Variants in SCFD2 observed in about 807,000 individuals in gnomAD.
SCFD2 encodes the protein sec1 family domain-containing protein 2.
In SCFD2, 54 loss-of-function variants were observed where a neutral mutation model predicts 58.9. That is an observed-to-expected ratio of 0.92 (90% confidence interval 0.74 to 1.15). The LOEUF (loss-of-function observed/expected upper bound fraction) is 1.15. Among genes scored for constraint, SCFD2 ranks in the 50% most tolerant of loss-of-function variants. The pLI is 0.00. For missense variants in SCFD2, 805 were observed against 836.6 expected (o/e 0.96, Z 0.47); for synonymous variants, 321 against 335.9 (o/e 0.96, Z 0.49).
At chr4:53,299,453 C>T (rs1486903558) in intron 3 of SCFD2, among the ~76,000 whole-genome samples, 3 of 152,074 alleles carry the variant, frequency 2.0e-5, no homozygotes, top group Non-Finnish European at 4.4e-5. Flanking sequence ...TGTGAAAAGA[C>T]CAAATCTATA....
rs563043455 is a variant in SCFD2, at chr4:53,179,024, T to G, written c.1312-33442A>C. ...GTGAAAAGAGCAAATCTACATCTGA[T>G]TGGTGTACCTGAAAGTGATGGGGAG... is the stretch of plus-strand genomic sequence containing the variant. On this transcript the variant is annotated intron_variant, in intron 4 of 8. Transcript: ENST00000401642. Among the ~76,000 whole-genome samples the G allele has an allele frequency of 5.9e-5, 9 of 152,314 alleles. No homozygotes were observed. The South Asian group carries it at 1.9e-3, about 32-fold the overall frequency.
At chr4:52,940,762 C>T (rs1720272375) in intron 5 of SCFD2, among the ~76,000 whole-genome samples, 1 of 152,104 alleles carries the variant, frequency 6.6e-6, no homozygotes. Flanking sequence ...GGACTAAGCA[C>T]TTATAGGAGA....
At chr4:52,892,761 G>A (rs888633166) in intron 7 of SCFD2, among the ~76,000 whole-genome samples, 6 of 152,092 alleles carry the variant, frequency 3.9e-5, no homozygotes, top group African/African-American at 1.4e-4. Flanking sequence ...CAAACTGTAA[G>A]CTACATGATA....
At chr4:52,883,520 G>C (rs1216195430) in intron 8 of SCFD2, among the ~76,000 whole-genome samples, 2 of 152,142 alleles carry the variant, frequency 1.3e-5, no homozygotes, top group Non-Finnish European at 2.9e-5. Context: ...CTGAGCACAG[G>C]GTCAGATTGC....
At chr4:53,172,678 G>A (rs1397758393) in intron 4 of SCFD2, among the ~76,000 whole-genome samples, 1 of 152,042 alleles carries the variant, frequency 6.6e-6, no homozygotes, top group Non-Finnish European at 1.5e-5. Flanking sequence ...CTGATTTCTA[G>A]TTTTATATCA....
At chr4:53,314,336 A>T (rs985466333) in intron 2 of SCFD2, among the ~76,000 whole-genome samples, 6 of 152,176 alleles carry the variant, frequency 3.9e-5, no homozygotes, top group African/African-American at 1.2e-4. Context: ...GGTTGGAAGG[A>T]TGGTACTTAC....
At chr4:53,301,624 C>G (rs553456399) in intron 3 of SCFD2, among the ~76,000 whole-genome samples, 26 of 152,242 alleles carry the variant, frequency 1.7e-4, no homozygotes, top group Admixed American at 1.0e-3. Context: ...ATCCTAATAC[C>G]AAAGCCTGGC....
At position 53,338,827 on chromosome 4, in the gene SCFD2, G is replaced by A. The variant is rs373498444; in HGVS notation, c.1007+13771C>T. The stretch of plus-strand genomic sequence containing the variant: ...GATCTCCTGACCTCGTGATCCGCCC[G>A]CCTCGGCCTCCCAAAGTGCTGGGAT... On this transcript the variant is annotated intron_variant, in intron 2 of 8. Coordinates refer to ENST00000401642, the MANE Select transcript of SCFD2 (RefSeq NM_152540.4). 4.0e-5 allele frequency among the ~76,000 whole-genome samples: 6 copies of A among 151,824 alleles called. No individual in the cohort carries two copies. In the South Asian group the frequency reaches 6.2e-4, roughly 16 times the overall value.
Position 53,205,926 on chromosome 4 carries a change from C to T in SCFD2, c.1312-60344G>A, listed in dbSNP as rs1035670297. Among the ~76,000 whole-genome samples, 8 of 150,518 alleles carry T rather than the reference C, an allele frequency of 5.3e-5. 1 individual carries two copies. Among genetic ancestry groups the T allele is most frequent in the African/African-American group, 2.0e-4 (8 of 40,944 alleles). ...AATAAGCTTAATAAATTAAAAAAAACACAATTATCAACTCAAAGGAAAAAG... is the reference window on the plus strand; with the variant it reads ...AATAAGCTTAATAAATTAAAAAAAATACAATTATCAACTCAAAGGAAAAAG... On this transcript the variant is annotated intron_variant, in intron 4 of 8. Transcript: ENST00000401642.
chr4:53,278,358 TAAAAAAA>T (rs771974130), intron 3 of SCFD2, among the ~76,000 whole-genome samples: 1 of 122,202 alleles, frequency 8.2e-6, no homozygotes, highest in Non-Finnish European at 1.7e-5. Flanking sequence ...GACTCCATCT[TAAAAAAA>T]AAAAAAAAGA....
intron 4 of SCFD2, among the ~76,000 whole-genome samples, chr4:53,221,949 C>A (rs1260793133): frequency 3.3e-5 from 5 of 152,186 alleles, no homozygotes; most frequent in Non-Finnish European, 5.9e-5. Context: ...AGGACTGATT[C>A]TGTTAACTCT....
chr4:53,195,567 TAGTC>T (rs1728034838), intron 4 of SCFD2, among the ~76,000 whole-genome samples: 2 of 152,176 alleles, frequency 1.3e-5, no homozygotes, highest in South Asian at 4.1e-4. Flanking sequence ...CCACTTCTCA[TAGTC>T]AGCCCCAGTT....
intron 4 of SCFD2, among the ~76,000 whole-genome samples, chr4:53,242,441 C>T (rs149691319): frequency 2.7e-5 from 4 of 145,748 alleles, no homozygotes; most frequent in Non-Finnish European, 3.0e-5. Flanking sequence ...AAAATAAACC[C>T]CCAAGGTCAC....
intron 4 of SCFD2, among the ~76,000 whole-genome samples, chr4:53,207,348 A>AT (rs1016558477): frequency 6.8e-6 from 1 of 146,776 alleles, no homozygotes; most frequent in African/African-American, 2.5e-5. Flanking sequence ...AGAGGGGAGA[A>AT]TTTTTTTTTA....
At chr4:53,140,967 C>A (rs1238037543) in intron 5 of SCFD2, among the ~76,000 whole-genome samples, 4 of 152,038 alleles carry the variant, frequency 2.6e-5, no homozygotes, top group Non-Finnish European at 5.9e-5. Context: ...GGAGGGTAGC[C>A]AATCATATAC....
intron 5 of SCFD2, among the ~76,000 whole-genome samples, chr4:52,954,697 A>G (rs1720671067): frequency 1.3e-5 from 2 of 152,228 alleles, no homozygotes; most frequent in Non-Finnish European, 2.9e-5. Context: ...CATGGCTTAC[A>G]CAGCTGCATC....
intron 4 of SCFD2, among the ~76,000 whole-genome samples, chr4:53,212,056 TATA>T (rs1728629268): frequency 6.6e-6 from 1 of 152,072 alleles, no homozygotes; most frequent in Non-Finnish European, 1.5e-5. Flanking sequence ...TCAGTTACCT[TATA>T]ATATTGGATG....
intron 3 of SCFD2, among the ~76,000 whole-genome samples, chr4:53,302,211 G>C (rs1008415606): frequency 4.4e-4 from 67 of 152,166 alleles, no homozygotes; most frequent in Middle Eastern, 6.8e-3. Flanking sequence ...CCCATCATCT[G>C]AGCCCAAAAT....
chr4:53,045,994 G>A (rs1199492890), intron 5 of SCFD2, among the ~76,000 whole-genome samples: 1 of 152,050 alleles, frequency 6.6e-6, no homozygotes, highest in African/African-American at 2.4e-5. Flanking sequence ...TCTTAAAGAT[G>A]GGGAAACTAA....
Sources: gnomAD v4.1 joint callset for allele counts (sites outside exome capture counted in the v4.1 genomes callset) on GRCh38, gnomAD v4.1.1 for gene constraint, MANE v1.5 for transcripts, NCBI Gene and HGNC (gene_info 2026-07-23, HGNC 2026-07-21) for gene names.